Variants in PDZK1 observed in about 807,000 individuals in gnomAD.
PDZK1 encodes Na(+)/H(+) exchange regulatory cofactor NHE-RF3.
A neutral mutation model predicts 38.1 loss-of-function variants in PDZK1; 23 were observed. The observed-to-expected ratio is 0.60, with a 90% CI of 0.43 to 0.85. The LOEUF is 0.85. Ranked by LOEUF, PDZK1 falls within the 40% of genes least tolerant of loss-of-function variation. The pLI, the probability that PDZK1 is intolerant of heterozygous loss-of-function variation, is 0.00. For synonymous variants in PDZK1, 98 were observed against 186.2 expected, an observed-to-expected ratio of 0.53 and a Z score of 3.86; for missense variants, 297 against 504.3, an observed-to-expected ratio of 0.59 and a Z score of 3.94.
chr1:145,693,507 G>A (rs909795828), intron 1 of PDZK1, among the ~76,000 whole-genome samples: 10 of 151,488 alleles, frequency 6.6e-5, no homozygotes, highest in African/African-American at 1.2e-4. Context: ...GGTGGCTCAC[G>A]CCTGTAATCT....
chr1:145,674,103 C>T (rs1653387762), intron 6 of PDZK1: 1 of 726,548 alleles, frequency 1.4e-6, no homozygotes, highest in South Asian at 6.3e-5. Context: ...TACACAAATG[C>T]ACACATGAAC....
At chr1:145,685,813 A>G (rs1237009635) in intron 3 of PDZK1, among the ~76,000 whole-genome samples, 1 of 152,182 alleles carries the variant, frequency 6.6e-6, no homozygotes, top group East Asian at 1.9e-4. Flanking sequence ...CTGAAATTCT[A>G]GAAATAGAAC....
chr1:145,686,891 C>T (rs782444622), intron 2 of PDZK1, among the ~76,000 whole-genome samples, 165 bp from the exon 3 acceptor site: 66 of 152,228 alleles, frequency 4.3e-4, no homozygotes, highest in Non-Finnish European at 8.5e-4. Flanking sequence ...CCTGCCCTCC[C>T]GAGATCCAGG....
intron 7 of PDZK1, among the ~76,000 whole-genome samples, chr1:145,673,299 A>G (rs587628325): frequency 1.2e-3 from 176 of 152,294 alleles, no homozygotes; most frequent in African/African-American, 4.1e-3. Flanking sequence ...TTCACTCCCA[A>G]CTTGAAAGCT....
In PDZK1 at chr1:145,671,318, G is replaced by GGAGT. The variant is rs1553697728; in HGVS notation, c.*114_*117dup. ...TCACACATGGTGAATGGTTTCCAGT[G>GGAGT]GAGTTTTTCTTCTAAAGAGACAGTA... On this transcript the variant is annotated 3_prime_UTR_variant, in exon 9 of 9. Transcript: ENST00000417171. The GGAGT allele has an allele frequency of 6.5e-7, 1 of 1,536,592 alleles. No individual in the cohort carries two copies. The highest frequency in any genetic ancestry group is 1.4e-5 in the African/African-American group (1 of 72,784).
At chr1:145,694,631 G>A (rs1167945283) in intron 1 of PDZK1, among the ~76,000 whole-genome samples, 2 of 152,108 alleles carry the variant, frequency 1.3e-5, no homozygotes, top group African/African-American at 4.8e-5. Flanking sequence ...GGGTGCAGTG[G>A]CTCACACCTG....
At chr1:145,689,894 G>A (rs1553702789) in intron 1 of PDZK1, among the ~76,000 whole-genome samples, 1 of 152,130 alleles carries the variant, frequency 6.6e-6, no homozygotes, top group East Asian at 1.9e-4. Context: ...ATCAGACAGA[G>A]AGCCCCCAGC....
chr1:145,688,908 G>A (rs143530870), intron 1 of PDZK1, among the ~76,000 whole-genome samples: 4,335 of 151,670 alleles, frequency 0.029, 96 homozygotes, highest in Non-Finnish European at 0.045. Flanking sequence ...GCAGTGAGCC[G>A]AGATCACACT....
intron 1 of PDZK1, among the ~76,000 whole-genome samples, chr1:145,705,568 G>T (rs1553705588): frequency 8.5e-5 from 13 of 152,148 alleles, no homozygotes; most frequent in Non-Finnish European, 4.4e-5. Flanking sequence ...AACTGAAAAA[G>T]ACATTAATGA....
Position 145,677,525 on chromosome 1 carries a change from A to G in PDZK1, c.990+924T>C, listed in dbSNP as rs1653805485. ...TATGATTGTTCAAGTAGCTAAAAAA[A>G]AAAAGCCATTAATCTAATTAATTGT... is the stretch of plus-strand genomic sequence containing the variant. On this transcript the variant is annotated intron_variant, in intron 6 of 8. Transcript: ENST00000417171. Among the ~76,000 whole-genome samples, 4 of 152,164 alleles carry G rather than the reference A, an allele frequency of 2.6e-5. No individual in the cohort carries two copies. The Middle Eastern group carries it at 0.014, about 518-fold the overall frequency.
intron 1 of PDZK1, among the ~76,000 whole-genome samples, chr1:145,693,048 G>T (rs1373782212): frequency 1.3e-5 from 2 of 152,070 alleles, no homozygotes; most frequent in African/African-American, 4.8e-5. Context: ...AGCTGCTAGA[G>T]ACCAGACAAA....
Position 145,701,759 on chromosome 1 carries a change from T to A in PDZK1, c.-3+5558A>T, listed in dbSNP as rs137886238. 5.4e-4 allele frequency among the ~76,000 whole-genome samples: 82 copies of A among 152,292 alleles called. 1 individual carries two copies. Among genetic ancestry groups the A allele is most frequent in the African/African-American group, 1.9e-3 (81 of 41,554 alleles). Reference sequence around the variant, plus strand: ...AACAGCATAAGCAAAAAAATCCTGCTGTATCTGAGCTGCTACTGACAGATG... The same window carrying A: ...AACAGCATAAGCAAAAAAATCCTGCAGTATCTGAGCTGCTACTGACAGATG... On this transcript the variant is annotated intron_variant, in intron 1 of 8. Coordinates refer to ENST00000417171, the MANE Select transcript of PDZK1 (RefSeq NM_001201325.2).
chr1:145,684,354 G>A lies in PDZK1; in HGVS notation c.461-1718C>T, dbSNP rs1264118805. 2.6e-5 allele frequency among the ~76,000 whole-genome samples: 4 copies of A among 151,856 alleles called. No individual in the cohort carries two copies. In the South Asian group the frequency reaches 6.3e-4, roughly 24 times the overall value. The stretch of plus-strand genomic sequence containing the variant: ...CTCCTGAGTAGCTGGGACTACAGGC[G>A]CCCACCACCACACCCGGCTAATTTT... On this transcript the variant is annotated intron_variant, in intron 3 of 8. Transcript: ENST00000417171.
At position 145,688,958 on chromosome 1, in the gene PDZK1, C is replaced by CA. The variant is rs781798414; in HGVS notation, c.-2-936dup. 4.1e-4 allele frequency among the ~76,000 whole-genome samples: 62 copies of CA among 150,270 alleles called. No individual in the cohort carries two copies. The South Asian group carries it at 9.3e-3, about 23-fold the overall frequency. On this transcript the variant is annotated intron_variant, in intron 1 of 8. Transcript: ENST00000417171. ...TGGGCAATAGAGTGAGACTCTGCCT[C>CA]AAAAAAAAAGGACACCAGGCCTTAG...
At chr1:145,691,815 A>G (rs1321331406) in intron 1 of PDZK1, 1 of 152,152 alleles carries the variant, frequency 6.6e-6, no homozygotes, top group Non-Finnish European at 1.5e-5. Context: ...GTTTCAAAAA[A>G]AGAAAAAAAA....
At chr1:145,686,038 C>T (rs1412422128) in intron 3 of PDZK1, among the ~76,000 whole-genome samples, 2 of 152,170 alleles carry the variant, frequency 1.3e-5, no homozygotes, top group African/African-American at 4.8e-5. Context: ...AAATGAATGA[C>T]TATCTGGGCA....
intron 1 of PDZK1, among the ~76,000 whole-genome samples, chr1:145,691,071 C>T (rs971177560): frequency 2.4e-4 from 37 of 152,190 alleles, no homozygotes; most frequent in African/African-American, 8.0e-4. Context: ...CCCCAACTGC[C>T]TTCTGCCACT....
At chr1:145,688,304 T>G (rs1358059214) in intron 1 of PDZK1, among the ~76,000 whole-genome samples, 1 of 152,152 alleles carries the variant, frequency 6.6e-6, no homozygotes, top group Non-Finnish European at 1.5e-5. Flanking sequence ...ACCAAACTCC[T>G]CTTTGTCCTC....
intron 6 of PDZK1, among the ~76,000 whole-genome samples, chr1:145,677,348 CA>C (rs1387130416): frequency 6.6e-6 from 1 of 151,206 alleles, no homozygotes; most frequent in African/African-American, 2.4e-5. Context: ...CACCATCCAG[CA>C]AATGAATTAT....
Sources: allele counts gnomAD v4.1 joint callset (sites outside exome capture counted in the v4.1 genomes callset), GRCh38; gene constraint gnomAD v4.1.1; transcripts MANE v1.5; gene names NCBI Gene and HGNC (gene_info 2026-07-23, HGNC 2026-07-21).